Variants in COMMD10 observed in about 807,000 individuals in gnomAD.
COMMD10 encodes COMM domain containing 10, also known as COMM domain-containing protein 10.
A neutral mutation model predicts 28.9 loss-of-function variants in COMMD10; 33 were observed. The observed-to-expected ratio is 1.14, with a 90% CI of 0.87 to 1.53. The LOEUF is 1.53. COMMD10 is among the 40% of genes most tolerant of loss of function. The pLI, the probability that COMMD10 is intolerant of heterozygous loss-of-function variation, is 0.00. For missense variants in COMMD10, 310 were observed against 233.4 expected (o/e 1.33, Z -2.14); for synonymous variants, 110 against 81.7 (o/e 1.35, Z -1.87).
intron 5 of COMMD10, among the ~76,000 whole-genome samples, chr5:116,203,730 C>G (rs969983643): frequency 6.6e-6 from 1 of 151,662 alleles, no homozygotes; most frequent in Admixed American, 6.6e-5. Context: ...TAAAAGAGCT[C>G]CTGAAGGAAG....
chr5:116,183,565 T>C (rs1030368838), intron 5 of COMMD10, among the ~76,000 whole-genome samples: 2 of 152,104 alleles, frequency 1.3e-5, no homozygotes, highest in African/African-American at 4.8e-5. Context: ...AAAGTAGTAT[T>C]TAATTTAAAC....
At chr5:116,100,646 T>C (rs1750629687) in intron 4 of COMMD10, among the ~76,000 whole-genome samples, 1 of 151,176 alleles carries the variant, frequency 6.6e-6, no homozygotes, top group Non-Finnish European at 1.5e-5. Context: ...TTATCTCTTA[T>C]TGTTTAGATT....
At chr5:116,289,366 C>T (rs972523338) in intron 5 of COMMD10, among the ~76,000 whole-genome samples, 1 of 151,816 alleles carries the variant, frequency 6.6e-6, no homozygotes, top group Non-Finnish European at 1.5e-5. Context: ...ACAACTACCT[C>T]CCCTAGTCTT....
chr5:116,091,013 C>T (rs934882577), intron 2 of COMMD10, 66 bp from the exon 3 acceptor site: 3 of 904,590 alleles, frequency 3.3e-6, no homozygotes, highest in Non-Finnish European at 5.1e-6. Context: ...AATGAATCTT[C>T]TGTCAAGTAT....
At chr5:116,090,562 A>G (rs1303725641) in intron 2 of COMMD10, among the ~76,000 whole-genome samples, 1 of 152,234 alleles carries the variant, frequency 6.6e-6, no homozygotes, top group African/African-American at 2.4e-5. Context: ...TTGAGATAAC[A>G]GTGCTGTATA....
intron 5 of COMMD10, among the ~76,000 whole-genome samples, chr5:116,226,977 A>G (rs1395328702): frequency 1.3e-5 from 2 of 152,004 alleles, no homozygotes; most frequent in Non-Finnish European, 2.9e-5. Context: ...ATATTATTTT[A>G]TGCCCCAGGC....
chr5:116,184,220 C>CTT (rs1554098541), intron 5 of COMMD10, among the ~76,000 whole-genome samples: 6 of 60,340 alleles, frequency 9.9e-5, no homozygotes, highest in African/African-American at 1.9e-4. Flanking sequence ...TTCTGTCTCT[C>CTT]TTTTTTTTTT....
chr5:116,275,697 T>G (rs1485954360), intron 5 of COMMD10, among the ~76,000 whole-genome samples: 1 of 151,730 alleles, frequency 6.6e-6, no homozygotes, highest in East Asian at 1.9e-4. Flanking sequence ...ATCTGATGGC[T>G]TAATTTGCAC....
In COMMD10 at chr5:116,134,193, C is replaced by T. The variant is rs762977153; in HGVS notation, c.510+15C>T. 1.1e-5 allele frequency: 15 copies of T among 1,403,828 alleles called. No individual in the cohort carries two copies. The highest frequency in any genetic ancestry group is 1.4e-5 in the Non-Finnish European group (14 of 987,994). The allele number at this position is 1,403,828 out of a possible 1,614,324, so 87.0% of individuals were successfully genotyped here. Reference sequence around the variant, plus strand: ...AAGATTCAAAGGTAAGAAATGGTATCCCATTAAAAGGATGTATTTTGTTTG... The same window carrying T: ...AAGATTCAAAGGTAAGAAATGGTATTCCATTAAAAGGATGTATTTTGTTTG... On this transcript the variant is annotated intron_variant, in intron 5 of 6. Coordinates refer to ENST00000274458, the MANE Select transcript of COMMD10 (RefSeq NM_016144.4).
intron 5 of COMMD10, among the ~76,000 whole-genome samples, chr5:116,193,368 A>G (rs1000711568): frequency 1.3e-5 from 2 of 152,234 alleles, no homozygotes; most frequent in Non-Finnish European, 2.9e-5. Context: ...TAAAAGATAC[A>G]GAGTGGCATA....
intron 5 of COMMD10, among the ~76,000 whole-genome samples, chr5:116,182,152 G>C (rs146877649): frequency 6.6e-6 from 1 of 152,190 alleles, no homozygotes; most frequent in Non-Finnish European, 1.5e-5. Context: ...AACTAGGTCT[G>C]TTAAGAGGAG....
intron 5 of COMMD10, among the ~76,000 whole-genome samples, chr5:116,285,341 A>C (rs1751189011): frequency 1.3e-5 from 2 of 151,944 alleles, no homozygotes; most frequent in South Asian, 4.1e-4. Flanking sequence ...TCTATGTCAG[A>C]ACATGATAAT....
chr5:116,105,309 G>T (rs781353526), intron 4 of COMMD10, among the ~76,000 whole-genome samples: 3 of 152,130 alleles, frequency 2.0e-5, no homozygotes, highest in Non-Finnish European at 2.9e-5. Flanking sequence ...GGATGAAGCC[G>T]ACTTGATCAT....
At chr5:116,268,851 A>G (rs1750677975) in intron 5 of COMMD10, among the ~76,000 whole-genome samples, 1 of 151,728 alleles carries the variant, frequency 6.6e-6, no homozygotes, top group Admixed American at 6.6e-5. Flanking sequence ...GCAAGGACAG[A>G]AAACCAAACA....
chr5:116,229,726 G>T (rs573883596), intron 5 of COMMD10, among the ~76,000 whole-genome samples: 3 of 151,854 alleles, frequency 2.0e-5, no homozygotes, highest in African/African-American at 7.3e-5. Flanking sequence ...CAGAATACAA[G>T]CACAATTTAT....
chr5:116,199,173 C>G (rs1387815478), intron 5 of COMMD10, among the ~76,000 whole-genome samples: 1 of 152,026 alleles, frequency 6.6e-6, no homozygotes, highest in Non-Finnish European at 1.5e-5. Flanking sequence ...GTAGTAGTTT[C>G]TCATTTTTGT....
rs1023516155 is a variant in COMMD10, at chr5:116,285,147, C to A, written c.511-6370C>A. Among the ~76,000 whole-genome samples, 11 of 151,842 alleles carry A rather than the reference C, an allele frequency of 7.2e-5. 1 individual carries two copies. The highest frequency in any genetic ancestry group is 2.7e-4 in the African/African-American group (11 of 41,190). ...AGGGTAGCTTTTGATCAAACCCACTCCTAATATTTGTAAGACCTGAAACAA... is the reference window on the plus strand; with the variant it reads ...AGGGTAGCTTTTGATCAAACCCACTACTAATATTTGTAAGACCTGAAACAA... On this transcript the variant is annotated intron_variant, in intron 5 of 6. Transcript: ENST00000274458.
intron 5 of COMMD10, among the ~76,000 whole-genome samples, chr5:116,163,560 G>A (rs1396962820): frequency 6.6e-6 from 1 of 151,866 alleles, no homozygotes; most frequent in Admixed American, 6.6e-5. Flanking sequence ...TCGCGCTCCA[G>A]CCTGGGCAAC....
intron 5 of COMMD10, among the ~76,000 whole-genome samples, chr5:116,174,246 A>T (rs919147195): frequency 6.6e-6 from 1 of 152,168 alleles, no homozygotes; most frequent in African/African-American, 2.4e-5. Flanking sequence ...AGGCCCTGAG[A>T]TGGAAGTGTG....
Sources: gnomAD v4.1 joint callset for allele counts (sites outside exome capture counted in the v4.1 genomes callset) on GRCh38, gnomAD v4.1.1 for gene constraint, MANE v1.5 for transcripts, NCBI Gene and HGNC (gene_info 2026-07-23, HGNC 2026-07-21) for gene names.